Variants in RASGRP3 observed in about 807,000 individuals in gnomAD.
RASGRP3 encodes ras guanyl-releasing protein 3.
A neutral mutation model predicts 82.7 loss-of-function variants in RASGRP3; 54 were observed. The observed-to-expected ratio is 0.65, with a 90% CI of 0.52 to 0.82. The LOEUF (loss-of-function observed/expected upper bound fraction) is 0.82. RASGRP3 is among the 40% of genes least tolerant of loss of function. The pLI, the probability that RASGRP3 is intolerant of heterozygous loss-of-function variation, is 0.00. For synonymous variants in RASGRP3, 309 were observed against 300.5 expected (o/e 1.03, Z -0.29); for missense variants, 861 against 828.9 (o/e 1.04, Z -0.48).
chr2:33,464,118 T>TTATTA, intron 2 of RASGRP3, among the ~76,000 whole-genome samples: 1 of 146,176 alleles, frequency 6.8e-6, no homozygotes, highest in African/African-American at 2.5e-5. Context: ...ATAATTATTA[T>TTATTA]TATTATTATT....
Position 33,562,879 on chromosome 2 carries a change from C to T in RASGRP3, c.*142C>T. 9.2e-7 allele frequency: 1 copy of T among 1,083,914 alleles called. No homozygotes were observed. The highest frequency in any genetic ancestry group is 1.3e-6 in the Non-Finnish European group (1 of 742,456). 67.1% of individuals were successfully genotyped at this position (1,083,914 alleles called of 1,614,324 possible). A position where few individuals can be genotyped will look rare whatever the true frequency, so the allele number is the denominator to read the frequency against. On this transcript the variant is annotated 3_prime_UTR_variant, in exon 18 of 18. Coordinates refer to ENST00000403687, the MANE Select transcript of RASGRP3 (RefSeq NM_001139488.2). Reference sequence around the variant, plus strand: ...CTGCCTTGGGACACTGTGGGATCTCCATGTTTGGACTATGGGACAGAGAAT... The same window carrying T: ...CTGCCTTGGGACACTGTGGGATCTCTATGTTTGGACTATGGGACAGAGAAT...
chr2:33,515,338 C>G lies in RASGRP3; in HGVS notation c.70+132C>G, dbSNP rs531417643. The G allele has an allele frequency of 2.4e-4, 200 of 842,826 alleles. 1 individual carries two copies. The African/African-American group carries it at 3.1e-3, about 13-fold the overall frequency. The allele number at this position is 842,826 out of a possible 1,614,324, so 52.2% of individuals were successfully genotyped here. ...GTATTTAAGGCCTTTCGGATGGACC[C>G]GGGTCTGTCTCTCCAGTTTCACTGC... On this transcript the variant is annotated intron_variant, in intron 3 of 17. Coordinates refer to ENST00000403687, the MANE Select transcript of RASGRP3 (RefSeq NM_001139488.2).
chr2:33,562,585 C>T, intron 17 of RASGRP3, 144 bp from the exon 18 acceptor site: 1 of 904,302 alleles, frequency 1.1e-6, no homozygotes, highest in South Asian at 1.7e-5. Flanking sequence ...ACATGATCTC[C>T]TAATTCCCAC....
chr2:33,527,267 A>G lies in RASGRP3; in HGVS notation c.938A>G (p.His313Arg). The G allele has an allele frequency of 1.2e-6, 2 of 1,614,034 alleles. No individual in the cohort carries two copies. The highest frequency in any genetic ancestry group is 1.7e-6 in the Non-Finnish European group (2 of 1,179,892). Residue 313 changes from histidine to arginine, a missense_variant, in exon 10 of 18, where the codon CAT becomes CGT. Coordinates refer to ENST00000403687, the MANE Select transcript of RASGRP3 (RefSeq NM_001139488.2). ...CACTTGAAAGACTTGATAGCTGTCC[A>G]TGTCATTTTCCCAGACTGGACAGAG... Reference protein sequence around the residue: ...GVHLKDLIAVHVIFPDWTEEN... With the variant: ...GVHLKDLIAVRVIFPDWTEEN...
At chr2:33,469,186 A>AC (rs1666905157) in intron 2 of RASGRP3, among the ~76,000 whole-genome samples, 1 of 152,176 alleles carries the variant, frequency 6.6e-6, no homozygotes, top group Non-Finnish European at 1.5e-5. Context: ...TGTTAATTGT[A>AC]AATGCTATTT....
chr2:33,443,708 CTA>C (rs1665350116), intron 1 of RASGRP3, among the ~76,000 whole-genome samples: 1 of 105,864 alleles, frequency 9.4e-6, no homozygotes, highest in African/African-American at 3.6e-5. Context: ...GATCCTGTCT[CTA>C]AAAAAAAAAA....
chr2:33,510,631 G>C (rs998524094), intron 1 of RASGRP3, among the ~76,000 whole-genome samples: 1 of 152,204 alleles, frequency 6.6e-6, no homozygotes, highest in African/African-American at 2.4e-5. Flanking sequence ...TTTAATATGG[G>C]AGGGGAAGAA....
At chr2:33,462,562 G>A (rs1666440372) in intron 2 of RASGRP3, among the ~76,000 whole-genome samples, 1 of 151,920 alleles carries the variant, frequency 6.6e-6, no homozygotes, top group South Asian at 2.1e-4. Context: ...ATTTTTAGTA[G>A]AGATGGGGTT....
At chr2:33,513,319 G>C (rs1046085216) in intron 2 of RASGRP3, among the ~76,000 whole-genome samples, 2 of 152,202 alleles carry the variant, frequency 1.3e-5, no homozygotes, top group African/African-American at 4.8e-5. Flanking sequence ...TGTCACTCCA[G>C]TGGTCTCACT....
intron 1 of RASGRP3, among the ~76,000 whole-genome samples, chr2:33,500,303 C>A (rs1016859769): frequency 6.6e-6 from 1 of 151,998 alleles, no homozygotes; most frequent in Admixed American, 6.6e-5. Context: ...ACAGGAGTTC[C>A]GCAATCAATC....
At chr2:33,508,499 A>G (rs760487947) in intron 1 of RASGRP3, among the ~76,000 whole-genome samples, 1 of 152,162 alleles carries the variant, frequency 6.6e-6, no homozygotes, top group Non-Finnish European at 1.5e-5. Context: ...TTTCAATGCA[A>G]TAGCAGGAGA....
chr2:33,464,814 G>T (rs763782500), intron 2 of RASGRP3, among the ~76,000 whole-genome samples: 9 of 152,128 alleles, frequency 5.9e-5, no homozygotes, highest in Non-Finnish European at 1.3e-4. Flanking sequence ...GTGTTTTGGG[G>T]CATTCCAAAG....
intron 11 of RASGRP3, among the ~76,000 whole-genome samples, chr2:33,535,166 A>C (rs1346494453): frequency 1.3e-5 from 2 of 152,228 alleles, no homozygotes. Flanking sequence ...TCAACTCAGA[A>C]TTTGGATGTC....
chr2:33,442,557 A>G (rs939152867), intron 1 of RASGRP3, among the ~76,000 whole-genome samples: 7 of 152,234 alleles, frequency 4.6e-5, no homozygotes, highest in Non-Finnish European at 1.0e-4. Context: ...ATTGCCATTG[A>G]CGGCCTCTCC....
intron 1 of RASGRP3, among the ~76,000 whole-genome samples, chr2:33,441,390 G>A (rs1665218595): frequency 6.6e-6 from 1 of 152,112 alleles, no homozygotes; most frequent in Non-Finnish European, 1.5e-5. Context: ...AAAGACCAAG[G>A]GTGTCAACCT....
At chr2:33,554,786 T>C (rs1302896284) in intron 14 of RASGRP3, among the ~76,000 whole-genome samples, 3 of 152,050 alleles carry the variant, frequency 2.0e-5, no homozygotes, top group Admixed American at 6.6e-5. Flanking sequence ...CCCTCTTCTT[T>C]ATGGTGTTTA....
At chr2:33,459,895 A>G (rs1452419980) in intron 2 of RASGRP3, among the ~76,000 whole-genome samples, 1 of 152,148 alleles carries the variant, frequency 6.6e-6, no homozygotes, top group Non-Finnish European at 1.5e-5. Flanking sequence ...TAAACTCCAT[A>G]TTAGAATTTG....
chr2:33,481,717 T>G (rs1181156805), intron 1 of RASGRP3: 2 of 152,144 alleles, frequency 1.3e-5, no homozygotes, highest in Admixed American at 6.5e-5. Flanking sequence ...GTTTGTTTGT[T>G]TTTTCAGACA....
chr2:33,439,712 G>A (rs1000101726), intron 1 of RASGRP3, among the ~76,000 whole-genome samples: 1 of 152,188 alleles, frequency 6.6e-6, no homozygotes, highest in Non-Finnish European at 1.5e-5. Flanking sequence ...CTTGACAGCA[G>A]CAGAGGGAAT....
Sources: allele counts gnomAD v4.1 joint callset (sites outside exome capture counted in the v4.1 genomes callset), GRCh38; gene constraint gnomAD v4.1.1; transcripts MANE v1.5; gene names NCBI Gene and HGNC (gene_info 2026-07-23, HGNC 2026-07-21).